The following GAS7 variants were observed in gnomAD, a reference collection of about 807,000 sequenced individuals.
GAS7 encodes growth arrest-specific protein 7.
A neutral mutation model predicts 71.1 loss-of-function variants in GAS7; 28 were observed. That is an observed-to-expected ratio of 0.39 (90% CI 0.29 to 0.54). GAS7 has a LOEUF of 0.54. GAS7 is among the 20% of genes least tolerant of loss of function. The probability of loss-of-function intolerance (pLI) is 0.62; values close to 1 mark genes in which losing one functional copy is unlikely to be tolerated. For missense variants in GAS7, 436 were observed against 627.8 expected (o/e 0.69, Z 3.27); for synonymous variants, 258 against 245.8 (o/e 1.05, Z -0.46).
At position 9,969,737 on chromosome 17, in the gene GAS7, G is replaced by C. The variant is rs757449328; in HGVS notation, c.411C>G (p.Thr137=). 3.7e-6 allele frequency: 6 copies of C among 1,611,306 alleles called. No individual in the cohort carries two copies. The highest frequency in any genetic ancestry group is 4.2e-6 in the Non-Finnish European group (5 of 1,177,588). The part of the protein sequence containing the change: ...PTVNGYHASG[T]PAHPPETAHM... Reference sequence around the variant, plus strand: ...GGGCAGTCTCTGGAGGGTGCGCTGGGGTCCCTGATGCGTGGTATCCATTCA... The same window carrying C: ...GGGCAGTCTCTGGAGGGTGCGCTGGCGTCCCTGATGCGTGGTATCCATTCA... Residue 137 remains threonine (T), a synonymous_variant, in exon 4 of 14, where the codon ACC becomes ACG. Coordinates refer to ENST00000432992, the MANE Select transcript of GAS7 (RefSeq NM_201433.2). This position sits in a 1 kb window ranked among gnomAD's most constrained non-coding sequence, Gnocchi z 5.5.
intron 1 of GAS7, among the ~76,000 whole-genome samples, chr17:10,107,576 C>A (rs1484422351): frequency 6.9e-6 from 1 of 145,896 alleles, no homozygotes; most frequent in Non-Finnish European, 1.5e-5. Context: ...TACACACAGT[C>A]CAGTGGTGGT....
intron 1 of GAS7, among the ~76,000 whole-genome samples, chr17:10,197,369 C>T (rs935684300): frequency 2.0e-5 from 3 of 151,574 alleles, no homozygotes; most frequent in African/African-American, 4.8e-5. Flanking sequence ...TGGGGGCAGG[C>T]GGGCTTCTAG....
At chr17:10,196,797 G>A (rs1354869345) in intron 1 of GAS7, among the ~76,000 whole-genome samples, 1 of 152,156 alleles carries the variant, frequency 6.6e-6, no homozygotes, top group Non-Finnish European at 1.5e-5. Flanking sequence ...TAGAAACAAG[G>A]AGGCCCCTTG....
At chr17:9,949,345 T>C (rs1346321898) in intron 5 of GAS7, among the ~76,000 whole-genome samples, 1 of 152,114 alleles carries the variant, frequency 6.6e-6, no homozygotes, top group Non-Finnish European at 1.5e-5. Context: ...ATGCAAAGTG[T>C]CTCCATTTTT....
intron 1 of GAS7, among the ~76,000 whole-genome samples, chr17:10,056,675 T>G (rs770964564): frequency 5.1e-4 from 78 of 151,950 alleles, no homozygotes; most frequent in Middle Eastern, 3.4e-3. Flanking sequence ...ATCGAGACCA[T>G]CCTGGCTAAC....
chr17:9,921,480 T>C (rs2067808594), intron 11 of GAS7, among the ~76,000 whole-genome samples: 1 of 152,152 alleles, frequency 6.6e-6, no homozygotes, highest in Non-Finnish European at 1.5e-5. Flanking sequence ...TGCTGCTCTG[T>C]ACACTGTGAA....
intron 1 of GAS7, among the ~76,000 whole-genome samples, chr17:10,164,135 C>T (rs1019359147): frequency 6.6e-6 from 1 of 152,118 alleles, no homozygotes; most frequent in Non-Finnish European, 1.5e-5. Context: ...TTGCACTGTG[C>T]AGCCAGGATT....
At chr17:9,945,079 A>C (rs2068742022) in intron 6 of GAS7, among the ~76,000 whole-genome samples, 1 of 152,064 alleles carries the variant, frequency 6.6e-6, no homozygotes, top group South Asian at 2.1e-4. Context: ...AGACATTCCT[A>C]CCAGCTTTCC....
At position 10,106,612 on chromosome 17, in the gene GAS7, C is replaced by A. The variant is rs538837646; in HGVS notation, c.184-86715G>T. 1.1e-4 allele frequency among the ~76,000 whole-genome samples: 16 copies of A among 152,272 alleles called. No homozygotes were observed. The East Asian group carries it at 3.1e-3, about 29-fold the overall frequency. ...CATGAATAGCTCAACCTCTCTTCATCCTCGCTCCCACCCACACACCCTTCC... is the reference window on the plus strand; with the variant it reads ...CATGAATAGCTCAACCTCTCTTCATACTCGCTCCCACCCACACACCCTTCC... On this transcript the variant is annotated intron_variant, in intron 1 of 13. Transcript: ENST00000432992.
chr17:10,005,310 TAC>T (rs1235150376), intron 2 of GAS7, among the ~76,000 whole-genome samples: 9 of 149,016 alleles, frequency 6.0e-5, no homozygotes, highest in South Asian at 2.1e-4. Flanking sequence ...TACACATATA[TAC>T]ACACACATAT....
At chr17:10,040,698 C>T (rs575054031) in intron 1 of GAS7, among the ~76,000 whole-genome samples, 28 of 152,198 alleles carry the variant, frequency 1.8e-4, no homozygotes, top group East Asian at 1.2e-3. Flanking sequence ...TCACATCCAG[C>T]GGTGGGGAGT....
At chr17:10,189,635 T>G (rs1417421156) in intron 1 of GAS7, among the ~76,000 whole-genome samples, 1 of 152,008 alleles carries the variant, frequency 6.6e-6, no homozygotes, top group East Asian at 1.9e-4. Flanking sequence ...CAAATTATTT[T>G]CCCCCAAATA....
chr17:10,028,278 G>C (rs557818157), intron 1 of GAS7, among the ~76,000 whole-genome samples: 6 of 152,198 alleles, frequency 3.9e-5, no homozygotes, highest in African/African-American at 7.2e-5. Flanking sequence ...AGAGGCTGAG[G>C]GGGGAGGACT....
chr17:9,947,052 TG>T, intron 5 of GAS7, 69 bp from the exon 6 acceptor site: 4 of 1,046,138 alleles, frequency 3.8e-6, no homozygotes, highest in Non-Finnish European at 4.5e-6. Flanking sequence ...CTTCGGCTCC[TG>T]GGGGACACGG....
chr17:9,956,855 G>T (rs1414397265), intron 5 of GAS7, among the ~76,000 whole-genome samples: 2 of 152,172 alleles, frequency 1.3e-5, no homozygotes, highest in Non-Finnish European at 2.9e-5. Context: ...CCTGAGACCT[G>T]AGCCATCCCT....
At chr17:10,049,218 C>T (rs9914960) in intron 1 of GAS7, among the ~76,000 whole-genome samples, 10,674 of 152,234 alleles carry the variant, frequency 0.07, 855 homozygotes, top group African/African-American at 0.2. Context: ...TTTTCTTCGC[C>T]GTGGAACTTC....
At position 10,034,219 on chromosome 17, in the gene GAS7, G is replaced by T; in HGVS notation, c.184-14322C>A. ...GCAACCTCTTCCATCTCTGCTGGGA[G>T]GCCTCAATTGCTTCATCTCTAAAAC... On this transcript the variant is annotated intron_variant, in intron 1 of 13. Transcript: ENST00000432992. The surrounding 1 kb of genome is among the most constrained non-coding windows in gnomAD (Gnocchi z 4.4). 1 of 985,206 alleles carries T rather than the reference G, an allele frequency of 1.0e-6. No individual in the cohort carries two copies. The highest frequency in any genetic ancestry group is 1.2e-6 in the Non-Finnish European group (1 of 829,738). 61.0% of individuals were successfully genotyped at this position (985,206 alleles called of 1,614,324 possible).
intron 3 of GAS7, among the ~76,000 whole-genome samples, chr17:9,975,224 G>A (rs868185663): frequency 2.0e-5 from 3 of 152,062 alleles, no homozygotes; most frequent in African/African-American, 4.8e-5. Context: ...GGATGGTGGC[G>A]CACGCCTGTA....
chr17:10,150,415 T>TACACACACAC (rs3051267), intron 1 of GAS7, among the ~76,000 whole-genome samples: 14 of 145,806 alleles, frequency 9.6e-5, no homozygotes, highest in African/African-American at 2.8e-4. Flanking sequence ...ACTGGTTAAG[T>TACACACACAC]ACACACACAC....
Sources: allele counts gnomAD v4.1 joint callset (sites outside exome capture counted in the v4.1 genomes callset), GRCh38; gene constraint gnomAD v4.1.1; non-coding constraint Gnocchi (gnomAD v3.1); transcripts MANE v1.5; gene names NCBI Gene and HGNC (gene_info 2026-07-23, HGNC 2026-07-21).